LGSN: variants seen among roughly 807,000 people sequenced by gnomAD.
LGSN encodes lengsin, lens protein with glutamine synthetase domain.
In LGSN, 21 loss-of-function variants were observed where a neutral mutation model predicts 19.5. That is an observed-to-expected ratio of 1.07 (90% confidence interval 0.76 to 1.55). LGSN has a LOEUF of 1.55. LGSN is among the 40% of genes most tolerant of loss of function. The pLI is 0.00. For missense variants in LGSN, 673 were observed against 608.5 expected (o/e 1.11, Z -1.12); for synonymous variants, 257 against 215.6 (o/e 1.19, Z -1.68).
the LGSN span, among the ~76,000 whole-genome samples, chr6:63,526,777 A>G: frequency 6.9e-6 from 1 of 145,474 alleles, no homozygotes; most frequent in Admixed American, 7.0e-5. Flanking sequence ...CCAACCTGCG[A>G]CAGAGCAAGA....
chr6:63,280,503 T>C lies in LGSN; in HGVS notation c.1048A>G (p.Lys350Glu). The C allele has an allele frequency of 6.2e-7, 1 of 1,614,090 alleles. No individual in the cohort carries two copies. ...TGKKWLAGLL[K>E]HSAALSCLMA... ...AGGCAGCTGAGCGCAGCAGAGTGCT[T>C]CAAGAGTCCTGCCAACCATTTTTTC... Residue 350 changes from lysine to glutamate, a missense_variant, in exon 4 of 4, where the codon AAG (lysine) becomes GAG (glutamate). Physicochemically the swap from Lys to Glu is moderately conservative, Grantham distance 56. Coordinates refer to ENST00000370657, the MANE Select transcript of LGSN (RefSeq NM_016571.3).
At chr6:63,510,853 C>T in the LGSN span, among the ~76,000 whole-genome samples, 81,195 of 151,346 alleles carry the variant, frequency 0.54, 23,578 homozygotes, top group African/African-American at 0.77. Flanking sequence ...TTTGTATTTT[C>T]AGTGGAGACA....
the LGSN span, among the ~76,000 whole-genome samples, chr6:63,361,124 G>A: frequency 6.6e-6 from 1 of 152,250 alleles, no homozygotes; most frequent in Non-Finnish European, 1.5e-5. Flanking sequence ...TGAGAAGGCA[G>A]TCTGTCCATT....
intron 1 of LGSN, among the ~76,000 whole-genome samples, chr6:63,312,883 T>G (rs922204672): frequency 1.3e-5 from 2 of 152,092 alleles, no homozygotes; most frequent in African/African-American, 4.8e-5. Context: ...ACAACCACAT[T>G]TCTGACTAGG....
the LGSN span, among the ~76,000 whole-genome samples, chr6:63,386,479 T>C: frequency 6.6e-6 from 1 of 152,150 alleles, no homozygotes; most frequent in African/African-American, 2.4e-5. Flanking sequence ...TGATCCTATT[T>C]TGGTAACCTG....
chr6:63,362,526 C>G, the LGSN span, among the ~76,000 whole-genome samples: 1 of 152,236 alleles, frequency 6.6e-6, no homozygotes, highest in Non-Finnish European at 1.5e-5. Flanking sequence ...ATGGTCTTAG[C>G]AAACGGCACA....
the LGSN span, among the ~76,000 whole-genome samples, chr6:63,488,436 C>T: frequency 6.6e-6 from 1 of 152,204 alleles, no homozygotes; most frequent in Non-Finnish European, 1.5e-5. Flanking sequence ...CCTCAAAACT[C>T]TGCTCCATAC....
chr6:63,472,802 G>T, the LGSN span, among the ~76,000 whole-genome samples: 1 of 151,962 alleles, frequency 6.6e-6, no homozygotes, highest in South Asian at 2.1e-4. Context: ...TTAGCCGGGC[G>T]TGGTGGCAGA....
the LGSN span, among the ~76,000 whole-genome samples, chr6:63,364,500 C>T: frequency 0.012 from 1,761 of 152,232 alleles, 29 homozygotes; most frequent in African/African-American, 0.032. Context: ...GACTTTAACA[C>T]CCCACTGTCA....
chr6:63,377,381 AT>A, the LGSN span, among the ~76,000 whole-genome samples: 4 of 152,214 alleles, frequency 2.6e-5, no homozygotes, highest in African/African-American at 4.8e-5. Flanking sequence ...AGCTTTCCAG[AT>A]GCTGCCATGC....
the LGSN span, among the ~76,000 whole-genome samples, chr6:63,354,382 A>G: frequency 6.6e-6 from 1 of 152,210 alleles, no homozygotes; most frequent in Non-Finnish European, 1.5e-5. Context: ...CAGCAAATAC[A>G]TGAAAAAATG....
the LGSN span, among the ~76,000 whole-genome samples, chr6:63,448,947 A>G: frequency 2.0e-5 from 3 of 152,344 alleles, no homozygotes; most frequent in South Asian, 4.1e-4. Flanking sequence ...TAAGTACAGT[A>G]TAACAACTAT....
At chr6:63,459,066 C>T in the LGSN span, among the ~76,000 whole-genome samples, 1 of 152,150 alleles carries the variant, frequency 6.6e-6, no homozygotes, top group Non-Finnish European at 1.5e-5. Flanking sequence ...TTTTCCTTTA[C>T]ATAAGATTTT....
the LGSN span, among the ~76,000 whole-genome samples, chr6:63,429,261 C>T: frequency 3.3e-5 from 5 of 152,110 alleles, no homozygotes; most frequent in Admixed American, 1.3e-4. Context: ...AACCCAGATG[C>T]CATATTTTTA....
chr6:63,340,827 CTT>C, the LGSN span, among the ~76,000 whole-genome samples: 2 of 148,264 alleles, frequency 1.3e-5, no homozygotes, highest in Non-Finnish European at 3.0e-5. Flanking sequence ...TATTCCCTTG[CTT>C]TTTATGGTTT....
the LGSN span, among the ~76,000 whole-genome samples, chr6:63,406,203 C>A: frequency 8.8e-4 from 134 of 152,274 alleles, 1 homozygote; most frequent in Admixed American, 2.3e-3. Context: ...GAACTCTCCA[C>A]CCCAAATCAA....
chr6:63,451,279 C>T, the LGSN span, among the ~76,000 whole-genome samples: 1 of 152,146 alleles, frequency 6.6e-6, no homozygotes, highest in African/African-American at 2.4e-5. Context: ...TATAAAGACA[C>T]ATACATGTGT....
chr6:63,386,434 G>A, the LGSN span, among the ~76,000 whole-genome samples: 1 of 151,892 alleles, frequency 6.6e-6, no homozygotes, highest in Non-Finnish European at 1.5e-5. Flanking sequence ...TTACTTGTTT[G>A]TTTGTTTCTG....
At chr6:63,380,426 T>A in the LGSN span, among the ~76,000 whole-genome samples, 6 of 152,224 alleles carry the variant, frequency 3.9e-5, no homozygotes, top group African/African-American at 1.4e-4. Flanking sequence ...GGAAACAGCA[T>A]TCCTCCCTAG....
Sources: allele counts gnomAD v4.1 joint callset (sites outside exome capture counted in the v4.1 genomes callset), GRCh38; gene constraint gnomAD v4.1.1; transcripts MANE v1.5; gene names NCBI Gene and HGNC (gene_info 2026-07-23, HGNC 2026-07-21).